SMYD3: variants seen among roughly 807,000 people sequenced by gnomAD.
The protein encoded by SMYD3 is SET and MYND domain containing 3, also known as histone-lysine N-methyltransferase SMYD3.
SMYD3 carries 36 observed loss-of-function variants against 57.7 expected under a neutral mutation model. That is an observed-to-expected ratio of 0.62 (90% CI 0.48 to 0.82). The LOEUF is 0.82. Among genes scored for constraint, SMYD3 ranks in the 40% least tolerant of loss-of-function variants. SMYD3 has a pLI of 0.00. For synonymous variants in SMYD3, 211 were observed against 195.0 expected, an observed-to-expected ratio of 1.08 and a Z score of -0.68; for missense variants, 515 against 538.8, an observed-to-expected ratio of 0.96 and a Z score of 0.44.
At chr1:246,461,091 G>GA (rs1427749506) in intron 1 of SMYD3, among the ~76,000 whole-genome samples, 1 of 152,168 alleles carries the variant, frequency 6.6e-6, no homozygotes, top group Non-Finnish European at 1.5e-5. Context: ...GGTAACTTCT[G>GA]AAAAATGTAA....
chr1:245,973,772 C>A lies in SMYD3; in HGVS notation c.532-43835G>T, dbSNP rs2058358332. ...ACTTCCCTTAATAACGTCTTTTGATCGGCACGAGGAAATCTACCTATATGA... is the reference window on the plus strand; with the variant it reads ...ACTTCCCTTAATAACGTCTTTTGATAGGCACGAGGAAATCTACCTATATGA... On this transcript the variant is annotated intron_variant, in intron 5 of 11. Coordinates refer to ENST00000490107, the MANE Select transcript of SMYD3 (RefSeq NM_001167740.2). Among the ~76,000 whole-genome samples the A allele has an allele frequency of 2.0e-5, 3 of 152,136 alleles. No homozygotes were observed. In the South Asian group the frequency reaches 6.2e-4, roughly 32 times the overall value.
intron 1 of SMYD3, among the ~76,000 whole-genome samples, chr1:246,489,470 T>G (rs189354270): frequency 6.6e-6 from 1 of 152,340 alleles, no homozygotes; most frequent in Non-Finnish European, 1.5e-5. Context: ...TTCCCTATTT[T>G]ATGAATGAGA....
chr1:246,061,737 A>G (rs2060255955), intron 5 of SMYD3, among the ~76,000 whole-genome samples: 1 of 152,180 alleles, frequency 6.6e-6, no homozygotes, highest in Non-Finnish European at 1.5e-5. Flanking sequence ...AAATAAAATA[A>G]TTTTAAAAGT....
At chr1:246,263,577 T>C (rs59419635) in intron 5 of SMYD3, among the ~76,000 whole-genome samples, 3,762 of 152,316 alleles carry the variant, frequency 0.025, 148 homozygotes, top group African/African-American at 0.085. Flanking sequence ...TCTTTCCTAA[T>C]TCAAAAACAG....
intron 5 of SMYD3, among the ~76,000 whole-genome samples, chr1:246,204,908 T>C (rs1043983905): frequency 5.9e-5 from 9 of 152,208 alleles, no homozygotes; most frequent in Non-Finnish European, 1.0e-4. Context: ...TTTTAAACTA[T>C]TCTAACATAA....
intron 8 of SMYD3, among the ~76,000 whole-genome samples, chr1:245,889,908 G>GAAAT (rs2053287953): frequency 6.6e-6 from 1 of 152,124 alleles, no homozygotes. Flanking sequence ...CCAATGGAAA[G>GAAAT]AAATAGAGAA....
At chr1:246,211,194 C>T (rs2063081371) in intron 5 of SMYD3, among the ~76,000 whole-genome samples, 1 of 152,106 alleles carries the variant, frequency 6.6e-6, no homozygotes, top group African/African-American at 2.4e-5. Flanking sequence ...AACACCAGTG[C>T]TTTGGGATTT....
chr1:246,270,896 T>C (rs532003837), intron 5 of SMYD3, among the ~76,000 whole-genome samples: 1 of 152,348 alleles, frequency 6.6e-6, no homozygotes, highest in African/African-American at 2.4e-5. Context: ...GCCGCCATAC[T>C]GTTTGCCACA....
At chr1:246,376,754 G>C (rs1046138559) in intron 1 of SMYD3, among the ~76,000 whole-genome samples, 1 of 151,850 alleles carries the variant, frequency 6.6e-6, no homozygotes, top group Non-Finnish European at 1.5e-5. Context: ...TACTTAGGTC[G>C]ACTTCTCTAC....
chr1:246,275,073 T>A (rs2064303087), intron 5 of SMYD3, among the ~76,000 whole-genome samples: 1 of 152,166 alleles, frequency 6.6e-6, no homozygotes, highest in Non-Finnish European at 1.5e-5. Context: ...TTTTAGGAAA[T>A]CTGAGCTGGT....
chr1:246,123,844 T>C (rs180671484), intron 5 of SMYD3, among the ~76,000 whole-genome samples: 2 of 152,184 alleles, frequency 1.3e-5, no homozygotes, highest in Admixed American at 6.5e-5. Flanking sequence ...CAATTTTACA[T>C]AGGAACCGTT....
chr1:246,002,073 T>C (rs2148152819), intron 5 of SMYD3, among the ~76,000 whole-genome samples: 2 of 152,244 alleles, frequency 1.3e-5, no homozygotes, highest in Middle Eastern at 6.8e-3. Flanking sequence ...ACCAAACCCA[T>C]CATTTTTGAG....
chr1:246,506,995 C>CCCCCCCCCCCCCCCCCCCCACA, intron 1 of SMYD3, 59 bp downstream of exon 1: 1 of 825,156 alleles, frequency 1.2e-6, no homozygotes, highest in Non-Finnish European at 1.6e-6. Context: ...CGACGCCCCC[C>CCCCCCCCCCCCCCCCCCCCACA]CCTCCCCAGC....
chr1:245,866,952 G>A (rs1434197090), intron 8 of SMYD3, among the ~76,000 whole-genome samples: 1 of 152,130 alleles, frequency 6.6e-6, no homozygotes, highest in Non-Finnish European at 1.5e-5. Context: ...TTAAACCCTA[G>A]ATCTAAGCAA....
intron 3 of SMYD3, among the ~76,000 whole-genome samples, chr1:246,333,164 T>A (rs1039335618): frequency 6.6e-6 from 1 of 152,042 alleles, no homozygotes; most frequent in African/African-American, 2.4e-5. Context: ...CAGTGGGAGG[T>A]CAAAACAGCA....
intron 8 of SMYD3, among the ~76,000 whole-genome samples, chr1:245,905,006 C>T (rs1041320322): frequency 4.6e-5 from 7 of 151,722 alleles, no homozygotes; most frequent in Admixed American, 1.3e-4. Context: ...GAAGGGAAGC[C>T]GCTGCCTTGA....
chr1:245,871,372 C>T (rs1212639282), intron 8 of SMYD3, among the ~76,000 whole-genome samples: 4 of 152,168 alleles, frequency 2.6e-5, no homozygotes, highest in Admixed American at 1.3e-4. Context: ...ACAAAAACAA[C>T]TGAAAGCAGT....
rs546409600 is a variant in SMYD3, at chr1:246,268,023, G to A, written c.531+59178C>T. On this transcript the variant is annotated intron_variant, in intron 5 of 11. Coordinates refer to ENST00000490107, the MANE Select transcript of SMYD3 (RefSeq NM_001167740.2). Reference sequence around the variant, plus strand: ...AAAAATAATTCACACTGATTCCAAGGTATCACTTATCAATTGGGAATTGTA... The same window carrying A: ...AAAAATAATTCACACTGATTCCAAGATATCACTTATCAATTGGGAATTGTA... Among the ~76,000 whole-genome samples the A allele has an allele frequency of 7.2e-5, 11 of 152,150 alleles. No homozygotes were observed. The East Asian group carries it at 7.8e-4, about 11-fold the overall frequency.
At chr1:246,059,199 C>T (rs2060208131) in intron 5 of SMYD3, among the ~76,000 whole-genome samples, 1 of 152,110 alleles carries the variant, frequency 6.6e-6, no homozygotes, top group Non-Finnish European at 1.5e-5. Flanking sequence ...TTCTAATGGA[C>T]TGCAAATTCA....
Sources: allele counts gnomAD v4.1 joint callset (sites outside exome capture counted in the v4.1 genomes callset), GRCh38; gene constraint gnomAD v4.1.1; transcripts MANE v1.5; gene names NCBI Gene and HGNC (gene_info 2026-07-23, HGNC 2026-07-21).